Variants in FNDC1 observed in about 807,000 individuals in gnomAD.
FNDC1 encodes fibronectin type III domain containing 1, also known as fibronectin type III domain-containing protein 1.
A neutral mutation model predicts 168.0 loss-of-function variants in FNDC1; 96 were observed. The ratio of observed to expected loss-of-function variants is 0.57; its 90% confidence interval spans 0.48 to 0.68. FNDC1 has a LOEUF of 0.68. Ranked by LOEUF, FNDC1 falls within the 30% of genes least tolerant of loss-of-function variation. FNDC1 has a pLI of 0.00. For missense variants in FNDC1, 2,587 were observed against 2,482.1 expected (o/e 1.04, Z -0.90); for synonymous variants, 1,099 against 1,025.9 (o/e 1.07, Z -1.36).
At chr6:159,204,934 C>T (rs919878729) in intron 4 of FNDC1, among the ~76,000 whole-genome samples, 2 of 152,176 alleles carry the variant, frequency 1.3e-5, no homozygotes, top group Non-Finnish European at 2.9e-5. Flanking sequence ...TTCCTGCTTC[C>T]CTGGGGGGAT....
chr6:159,171,333 A>G (rs1781653258), intron 1 of FNDC1, among the ~76,000 whole-genome samples: 1 of 152,238 alleles, frequency 6.6e-6, no homozygotes, highest in Admixed American at 6.5e-5. Context: ...ATTAAGTAAT[A>G]GAAGGATAGA....
Position 159,232,116 on chromosome 6 carries a change from T to A in FNDC1, c.1604T>A (p.Leu535His). Residue 535 changes from leucine to histidine, a missense_variant, in exon 11 of 23, where the codon CTT becomes CAT. Coordinates refer to ENST00000297267, the MANE Select transcript of FNDC1 (RefSeq NM_032532.3). The surrounding 1 kb of genome is among the most constrained non-coding windows in gnomAD (Gnocchi z 4.9). ...LRAKKAEELDLQSTEITGEEE... is the reference protein window; with the variant it reads ...LRAKKAEELDHQSTEITGEEE... ...GCCAAGAAGGCAGAGGAGCTGGATC[T>A]TCAGTCGACAGAAATCACTGGGGAG... is the stretch of plus-strand genomic sequence containing the variant. 1 of 1,613,924 alleles carries A rather than the reference T, an allele frequency of 6.2e-7. No individual in the cohort carries two copies. The highest frequency in any genetic ancestry group is 8.5e-7 in the Non-Finnish European group (1 of 1,179,870).
In FNDC1 at chr6:159,239,534, G is replaced by A. The variant is rs771563105; in HGVS notation, c.4198G>A (p.Val1400Met). ...TGTTTCAGATCTGGAAGGGACCCCC[G>A]TGGTGAGTCCTGACGGCCTCCCACT... is the stretch of plus-strand genomic sequence containing the variant. ...RTIVDLEGTP[V>M]VSPDGLPLFG... is the part of the protein sequence containing the mutation. The change falls in exon 14 of 23, where the codon GTG becomes ATG. Residue 1400 changes from valine (V) to methionine (M), a missense_variant. Transcript: ENST00000297267. 2 of 1,600,154 alleles carry A rather than the reference G, an allele frequency of 1.2e-6. No homozygotes were observed. Among genetic ancestry groups the A allele is most frequent in the South Asian group, 2.2e-5 (2 of 89,042 alleles).
intron 9 of FNDC1, among the ~76,000 whole-genome samples, chr6:159,229,492 A>T (rs1044335963): frequency 7.9e-5 from 12 of 152,218 alleles, no homozygotes; most frequent in Non-Finnish European, 1.8e-4. Context: ...GCAAATTAGT[A>T]AATAAATACA....
At chr6:159,243,135 G>C (rs1016680092) in intron 14 of FNDC1, 1 of 150,358 alleles carries the variant, frequency 6.7e-6, no homozygotes, top group Admixed American at 6.7e-5. Context: ...AAGACCTTAA[G>C]GTATAGGCAT....
intron 1 of FNDC1, among the ~76,000 whole-genome samples, chr6:159,175,158 C>T (rs1781737412): frequency 1.3e-5 from 2 of 152,114 alleles, no homozygotes; most frequent in African/African-American, 2.4e-5. Context: ...CTACATAATT[C>T]TATTTTCAGT....
At chr6:159,213,014 C>T (rs1040456863) in intron 4 of FNDC1, among the ~76,000 whole-genome samples, 1 of 152,218 alleles carries the variant, frequency 6.6e-6, no homozygotes, top group Non-Finnish European at 1.5e-5. Context: ...ATGAATCTAT[C>T]CTACTTACCT....
At chr6:159,244,876 G>A (rs1267759318) in intron 14 of FNDC1, among the ~76,000 whole-genome samples, 4 of 152,156 alleles carry the variant, frequency 2.6e-5, no homozygotes, top group African/African-American at 7.2e-5. Flanking sequence ...TGATGTATTA[G>A]TCCGTTTTCA....
chr6:159,202,379 G>C (rs1782398633), intron 4 of FNDC1, among the ~76,000 whole-genome samples: 1 of 152,196 alleles, frequency 6.6e-6, no homozygotes, highest in African/African-American at 2.4e-5. Context: ...CTTTTGATGA[G>C]GCTTGGAAAA....
intron 9 of FNDC1, 126 bp from the exon 10 acceptor site, chr6:159,229,689 G>A (rs1783040911): frequency 6.7e-6 from 5 of 741,542 alleles, no homozygotes; most frequent in Non-Finnish European, 1.1e-5. Context: ...TGGTGACTTG[G>A]CGTGCATTGC....
chr6:159,213,193 G>A (rs769198962), intron 4 of FNDC1, among the ~76,000 whole-genome samples: 1 of 152,218 alleles, frequency 6.6e-6, no homozygotes, highest in Non-Finnish European at 1.5e-5. Context: ...CCTGGAAGGG[G>A]GAAGCGTGTG....
chr6:159,242,549 G>T (rs148548410), intron 14 of FNDC1, among the ~76,000 whole-genome samples: 25 of 152,218 alleles, frequency 1.6e-4, no homozygotes, highest in Non-Finnish European at 3.4e-4. Context: ...GCTCTGTTGA[G>T]ATAAAATTCA....
chr6:159,177,476 G>A (rs956491718), intron 1 of FNDC1, among the ~76,000 whole-genome samples: 3 of 152,112 alleles, frequency 2.0e-5, no homozygotes, highest in Non-Finnish European at 4.4e-5. Context: ...TGGCAGGTGT[G>A]GTCAGGTGTG....
At chr6:159,201,522 T>C (rs1782377476) in intron 4 of FNDC1, among the ~76,000 whole-genome samples, 1 of 152,030 alleles carries the variant, frequency 6.6e-6, no homozygotes, top group Non-Finnish European at 1.5e-5. Flanking sequence ...GAAGAGAGAA[T>C]GGAAGTTGGA....
chr6:159,219,470 G>A lies in FNDC1; in HGVS notation c.668-2128G>A, dbSNP rs1038678070. 7.2e-5 allele frequency among the ~76,000 whole-genome samples: 11 copies of A among 151,964 alleles called. No individual in the cohort carries two copies. In the East Asian group the frequency reaches 2.1e-3, roughly 29 times the overall value. ...CTGTGGCCTGGTCAGCTCTGCACCC[G>A]CCCCTCCTCATCTGCAGTTATTGAG... On this transcript the variant is annotated intron_variant, in intron 5 of 22. Transcript: ENST00000297267.
chr6:159,256,762 A>C, intron 18 of FNDC1, 131 bp downstream of exon 18: 1 of 695,252 alleles, frequency 1.4e-6, no homozygotes, highest in Non-Finnish European at 2.5e-6. Context: ...GTTCTAATAG[A>C]ATGTCAATGC....
intron 1 of FNDC1, among the ~76,000 whole-genome samples, chr6:159,183,680 G>C (rs942631956): frequency 3.9e-5 from 6 of 152,186 alleles, no homozygotes; most frequent in African/African-American, 1.4e-4. Flanking sequence ...GACCAAGACG[G>C]GGTGACCAAT....
chr6:159,253,252 A>G (rs1777305215), intron 17 of FNDC1, among the ~76,000 whole-genome samples: 1 of 152,202 alleles, frequency 6.6e-6, no homozygotes, highest in South Asian at 2.1e-4. Context: ...ACTGTGGAAC[A>G]CTGCAGCACA....
chr6:159,193,390 T>G (rs578184488), intron 1 of FNDC1, among the ~76,000 whole-genome samples: 1 of 152,192 alleles, frequency 6.6e-6, no homozygotes, highest in Non-Finnish European at 1.5e-5. Flanking sequence ...TTTCATGGTC[T>G]TCATTACTTG....
Sources: allele counts gnomAD v4.1 joint callset (sites outside exome capture counted in the v4.1 genomes callset), GRCh38; gene constraint gnomAD v4.1.1; non-coding constraint Gnocchi (gnomAD v3.1); transcripts MANE v1.5; gene names NCBI Gene and HGNC (gene_info 2026-07-23, HGNC 2026-07-21).